ACYP2: variants seen among roughly 807,000 people sequenced by gnomAD.
ACYP2 encodes acylphosphatase 2.
Under a neutral mutation model 11.2 loss-of-function variants are expected in ACYP2, and 12 were observed. That is an observed-to-expected ratio of 1.08 (90% CI 0.69 to 1.74). ACYP2 has a LOEUF of 1.74. Among genes scored for constraint, ACYP2 ranks in the 40% most tolerant of loss-of-function variants. The pLI, the probability that ACYP2 is intolerant of heterozygous loss-of-function variation, is 0.00. For missense variants in ACYP2, 134 were observed against 101.9 expected (o/e 1.31, Z -1.35); for synonymous variants, 43 against 32.2 (o/e 1.33, Z -1.13).
chr2:54,226,340 C>T (rs1201837100), intron 6 of ACYP2, among the ~76,000 whole-genome samples: 2 of 152,280 alleles, frequency 1.3e-5, no homozygotes, highest in East Asian at 1.9e-4. Context: ...ATGTGCATTT[C>T]GAGGCTGCAG....
At chr2:54,009,417 C>T (rs1182862702) in intron 2 of ACYP2, among the ~76,000 whole-genome samples, 2 of 151,060 alleles carry the variant, frequency 1.3e-5, no homozygotes, top group Middle Eastern at 3.2e-3. Flanking sequence ...AACAAACAAA[C>T]AAACAAATTA....
intron 4 of ACYP2, among the ~76,000 whole-genome samples, chr2:54,126,531 C>T (rs1413150997): frequency 7.4e-6 from 1 of 134,706 alleles, no homozygotes; most frequent in Non-Finnish European, 1.5e-5. Flanking sequence ...GAAGTTTCAA[C>T]ATTTTTTACA....
intron 2 of ACYP2, among the ~76,000 whole-genome samples, chr2:54,024,936 C>A (rs1573545790): frequency 6.6e-6 from 1 of 152,156 alleles, no homozygotes. Flanking sequence ...TACTGCTATA[C>A]AGCAACAGCA....
At chr2:54,059,341 C>G (rs1558500427) in intron 4 of ACYP2, among the ~76,000 whole-genome samples, 2 of 152,060 alleles carry the variant, frequency 1.3e-5, no homozygotes, top group Non-Finnish European at 2.9e-5. Flanking sequence ...GACTCAGCCT[C>G]TGGAAAAGCT....
chr2:54,205,843 T>G (rs1322856905), intron 6 of ACYP2, among the ~76,000 whole-genome samples: 1 of 152,202 alleles, frequency 6.6e-6, no homozygotes, highest in Non-Finnish European at 1.5e-5. Flanking sequence ...CAGCTAATTT[T>G]GCACTTTTAA....
At chr2:54,183,859 TTAGTGCTAAGTGATCATC>T (rs1683858037) in intron 6 of ACYP2, among the ~76,000 whole-genome samples, 1 of 152,186 alleles carries the variant, frequency 6.6e-6, no homozygotes, top group African/African-American at 2.4e-5. Flanking sequence ...ATTCTTAATT[TTAGTGCTAAGTGATCATC>T]TAGTTATCAA....
chr2:54,051,665 T>C (rs1307203339), intron 3 of ACYP2: 3 of 709,938 alleles, frequency 4.2e-6, no homozygotes, highest in Non-Finnish European at 7.8e-6. Flanking sequence ...GAAGGAAAAA[T>C]ATGAAAGGAT....
intron 2 of ACYP2, among the ~76,000 whole-genome samples, chr2:54,032,872 A>G (rs1293499817): frequency 2.0e-5 from 3 of 152,206 alleles, no homozygotes; most frequent in African/African-American, 7.2e-5. Flanking sequence ...AAAAGAATCA[A>G]TATTGTGAAA....
intron 4 of ACYP2, among the ~76,000 whole-genome samples, chr2:54,125,380 C>A (rs1052295493): frequency 3.9e-5 from 6 of 152,096 alleles, no homozygotes; most frequent in African/African-American, 1.2e-4. Flanking sequence ...AGTCTAAAAT[C>A]CCCCAAATCA....
intron 6 of ACYP2, among the ~76,000 whole-genome samples, chr2:54,271,103 C>T (rs1688277344): frequency 6.6e-6 from 1 of 152,192 alleles, no homozygotes; most frequent in African/African-American, 2.4e-5. Flanking sequence ...GGGCATAGGC[C>T]AAGCTCACTA....
intron 2 of ACYP2, among the ~76,000 whole-genome samples, chr2:54,009,750 C>T (rs1019318956): frequency 6.6e-6 from 1 of 152,074 alleles, no homozygotes; most frequent in African/African-American, 2.4e-5. Context: ...AGCACAGTAA[C>T]CAGGCTACAA....
rs567125752 is a variant in ACYP2 at position 54,256,001 on chromosome 2, G to A, written c.405-48687G>A. The A allele has an allele frequency of 1.1e-4, 180 of 1,614,168 alleles. 1 individual carries two copies. In the East Asian group the frequency reaches 3.9e-3, roughly 35 times the overall value. On this transcript the variant is annotated intron_variant, in intron 6 of 6. Coordinates refer to ENST00000607452, the MANE Select transcript of ACYP2 (RefSeq NM_001320586.2). ...ACCCCCTCCTCTGGAAGCCGGGGCGGTGGGAACACGATTGGCTCCAAGCGG... is the reference window on the plus strand; with the variant it reads ...ACCCCCTCCTCTGGAAGCCGGGGCGATGGGAACACGATTGGCTCCAAGCGG...
At chr2:54,301,323 C>T (rs1689716955) in intron 6 of ACYP2, among the ~76,000 whole-genome samples, 1 of 152,172 alleles carries the variant, frequency 6.6e-6, no homozygotes, top group African/African-American at 2.4e-5. Flanking sequence ...TAAAACTTAG[C>T]TCAAATGTCA....
intron 6 of ACYP2, among the ~76,000 whole-genome samples, chr2:54,188,985 C>G (rs1213726209): frequency 2.6e-5 from 4 of 152,240 alleles, no homozygotes; most frequent in African/African-American, 7.2e-5. Context: ...CCTCTCTCTT[C>G]TCCTGGATCA....
At chr2:54,265,365 A>G (rs1353305578) in intron 6 of ACYP2, among the ~76,000 whole-genome samples, 2 of 152,186 alleles carry the variant, frequency 1.3e-5, no homozygotes, top group African/African-American at 4.8e-5. Context: ...CTTATTCACT[A>G]TCACAAGAAT....
chr2:54,249,604 T>C (rs187072146), intron 6 of ACYP2, among the ~76,000 whole-genome samples: 27 of 152,168 alleles, frequency 1.8e-4, no homozygotes, highest in Admixed American at 5.9e-4. Context: ...AAGGGGTAGG[T>C]AAATCTTCAT....
Position 54,201,642 on chromosome 2 carries a change from C to CTTTTTCTTTCTTTCTTTCTTTGTTTCTT in ACYP2, c.404+62897_404+62898insTTCTTTCTTTCTTTCTTTGTTTCTTTTT, listed in dbSNP as rs768069057. 3.6e-3 allele frequency among the ~76,000 whole-genome samples: 284 copies of CTTTTTCTTTCTTTCTTTCTTTGTTTCTT among 78,272 alleles called. 8 individuals carry two copies. The highest frequency in any genetic ancestry group is 4.8e-3 in the Non-Finnish European group (182 of 38,220). The allele number at this position is 78,272 out of a possible 152,430, so 51.3% of individuals were successfully genotyped here. ...TTTCTTTGTTTCTTTCTTTCTCTTTCTTTCTTTCTTTCTTTCTTTCTTTCT... is the reference window on the plus strand; with the variant it reads ...TTTCTTTGTTTCTTTCTTTCTCTTTCTTTTTCTTTCTTTCTTTCTTTGTTTCTTTTTCTTTCTTTCTTTCTTTCTTTCT... On this transcript the variant is annotated intron_variant, in intron 6 of 6. Coordinates refer to ENST00000607452, the MANE Select transcript of ACYP2 (RefSeq NM_001320586.2).
At chr2:54,191,939 C>G (rs554413168) in intron 6 of ACYP2, among the ~76,000 whole-genome samples, 12 of 152,300 alleles carry the variant, frequency 7.9e-5, no homozygotes, top group African/African-American at 2.9e-4. Flanking sequence ...TGAGAAAATG[C>G]TCACAGTCCT....
chr2:54,136,733 T>C (rs1368208903), intron 5 of ACYP2, among the ~76,000 whole-genome samples: 2 of 152,144 alleles, frequency 1.3e-5, no homozygotes, highest in South Asian at 2.1e-4. Flanking sequence ...CCCAGCACTT[T>C]GGGAGGCTGA....
Sources: allele counts gnomAD v4.1 joint callset (sites outside exome capture counted in the v4.1 genomes callset), GRCh38; gene constraint gnomAD v4.1.1; transcripts MANE v1.5; gene names NCBI Gene and HGNC (gene_info 2026-07-23, HGNC 2026-07-21).